Variants in ACP6 observed in about 807,000 individuals in gnomAD.
ACP6 encodes the protein acid phosphatase 6, lysophosphatidic, also known as lysophosphatidic acid phosphatase type 6.
Under a neutral mutation model 48.1 loss-of-function variants are expected in ACP6, and 48 were observed. That is an observed-to-expected ratio of 1.00 (90% confidence interval 0.79 to 1.27). The LOEUF is 1.27. Among genes scored for constraint, ACP6 ranks in the 50% most tolerant of loss-of-function variants. The probability of loss-of-function intolerance (pLI) is 0.00; values close to 1 mark genes in which losing one functional copy is unlikely to be tolerated. For missense variants in ACP6, 485 were observed against 529.1 expected (o/e 0.92, Z 0.82); for synonymous variants, 172 against 204.2 (o/e 0.84, Z 1.34).
rs1553209605 is a variant in ACP6 at position 147,647,373 on chromosome 1, T to C, written c.*50A>G. On this transcript the variant is annotated 3_prime_UTR_variant, in exon 10 of 10. Transcript: ENST00000583509. Reference sequence around the variant, plus strand: ...CAAACACACAAAGCAGGAGGCATTGTATAAAGGCACTTTATTTTAAAATCA... The same window carrying C: ...CAAACACACAAAGCAGGAGGCATTGCATAAAGGCACTTTATTTTAAAATCA... 1.2e-6 allele frequency: 2 copies of C among 1,605,710 alleles called. No homozygotes were observed. The highest frequency in any genetic ancestry group is 2.2e-5 in the South Asian group (2 of 90,624).
intron 1 of ACP6, among the ~76,000 whole-genome samples, chr1:147,664,407 T>C (rs781919921): frequency 9.9e-5 from 15 of 152,206 alleles, no homozygotes; most frequent in African/African-American, 2.4e-5. Context: ...TGCCTGGAAT[T>C]TTCTCTCCTC....
exon 6 of ACP6, chr1:147,630,882 T>A (rs1341328323): frequency 1.3e-5 from 2 of 152,204 alleles, no homozygotes; most frequent in African/African-American, 4.8e-5. Context: ...TACACACATA[T>A]ACACATACAG....
Position 147,669,980 on chromosome 1 carries a change from G to A in ACP6, c.69C>T (p.Cys23=). ...PVGVLTSLAY[C]LHQRRVALAE... is the part of the protein sequence containing the mutation. ...CCAGGGCCACCCGCCGCTGGTGCAG[G>A]CAGTACGCCAGCGAGGTCAGGACGC... Residue 23 remains cysteine, a synonymous_variant, in exon 1 of 10, where the codon TGC becomes TGT. Transcript: ENST00000583509. 1 of 1,549,510 alleles carries A rather than the reference G, an allele frequency of 6.5e-7. No homozygotes were observed. The highest frequency in any genetic ancestry group is 8.7e-7 in the Non-Finnish European group (1 of 1,146,550).
intron 1 of ACP6, among the ~76,000 whole-genome samples, chr1:147,663,166 C>T (rs1007758721): frequency 6.6e-6 from 1 of 152,108 alleles, no homozygotes; most frequent in Non-Finnish European, 1.5e-5. Flanking sequence ...CACTTTATTG[C>T]GATATTTGCT....
chr1:147,631,234 TCCACACCCCACTTCC>T lies in ACP6; in HGVS notation c.461-184_461-170del, dbSNP rs1448833168. ...CTCTGAATTTCTCTCACATCTTATCTCCACACCCCACTTCCCCATCACAGTAAATGACATTATATC... is the reference window on the plus strand; with the variant it reads ...CTCTGAATTTCTCTCACATCTTATCTCCATCACAGTAAATGACATTATATC... On this transcript the variant is annotated intron_variant, in intron 5 of 5. Coordinates refer to the ACP6 transcript ENST00000609196. 4.6e-5 allele frequency among the ~76,000 whole-genome samples: 7 copies of T among 152,266 alleles called. No homozygotes were observed. In the East Asian group the frequency reaches 1.4e-3, roughly 29 times the overall value.
intron 4 of ACP6, among the ~76,000 whole-genome samples, chr1:147,655,870 T>C (rs587633299): frequency 1.3e-4 from 20 of 152,240 alleles, no homozygotes; most frequent in African/African-American, 4.3e-4. Context: ...CTCAGTACCA[T>C]TGTCCCCTCC....
Position 147,670,182 on chromosome 1 carries a change from G to T in ACP6, c.-134C>A. ...ATGCGTACATCCAGCCCTTCAGCAA[G>T]CAGGGACCGCTGTGCCTCCCGGCCC... On this transcript the variant is annotated 5_prime_UTR_variant, in exon 1 of 10. Transcript: ENST00000583509. The T allele has an allele frequency of 1.3e-6, 1 of 799,788 alleles. No individual in the cohort carries two copies. The highest frequency in any genetic ancestry group is 1.9e-6 in the Non-Finnish European group (1 of 524,614). The allele number at this position is 799,788 out of a possible 1,614,324, so 49.5% of individuals were successfully genotyped here. A position where few individuals can be genotyped will look rare whatever the true frequency, so the allele number is the denominator to read the frequency against.
At chr1:147,631,791 G>C (rs189664007) in intron 5 of ACP6, among the ~76,000 whole-genome samples, 348 of 152,116 alleles carry the variant, frequency 2.3e-3, no homozygotes, top group African/African-American at 8.1e-3. Context: ...TCCAGCCTGG[G>C]CGACAGAGTG....
chr1:147,633,055 C>T (rs1659211430), intron 5 of ACP6, among the ~76,000 whole-genome samples: 1 of 152,140 alleles, frequency 6.6e-6, no homozygotes, highest in Non-Finnish European at 1.5e-5. Flanking sequence ...TGACAGGTGG[C>T]CAGCACCTCC....
At chr1:147,659,850 C>T in intron 1 of ACP6, 75 bp from the exon 2 acceptor site, 1 of 1,542,036 alleles carries the variant, frequency 6.5e-7, no homozygotes, top group Admixed American at 1.8e-5. Context: ...ATCTCAAGCA[C>T]TCAGAACACA....
chr1:147,648,479 T>A, intron 8 of ACP6, 68 bp from the exon 9 acceptor site: 1 of 1,565,082 alleles, frequency 6.4e-7, no homozygotes, highest in Non-Finnish European at 8.7e-7. Flanking sequence ...GTGGCCTGCC[T>A]CCTTTACGTA....
intron 5 of ACP6, among the ~76,000 whole-genome samples, chr1:147,636,131 C>A (rs6677434): frequency 0.22 from 33,042 of 151,916 alleles, 4,948 homozygotes; most frequent in African/African-American, 0.42. Flanking sequence ...AAGCAGAAGA[C>A]AGAGAAACCT....
Position 147,652,796 on chromosome 1 carries a change from C to G in ACP6, c.781-247G>C. On this transcript the variant is annotated intron_variant, in intron 6 of 9. Coordinates refer to ENST00000583509, the MANE Select transcript of ACP6 (RefSeq NM_016361.5). ...GGTTTCTTCCCTTTCTGATGACTCCCCATCCACTCAAAAATGAAAAGCATT... is the reference window on the plus strand; with the variant it reads ...GGTTTCTTCCCTTTCTGATGACTCCGCATCCACTCAAAAATGAAAAGCATT... The G allele has an allele frequency of 1.2e-5, 8 of 688,482 alleles. No individual in the cohort carries two copies. The South Asian group carries it at 1.6e-4, about 14-fold the overall frequency. The allele number at this position is 688,482 out of a possible 1,614,324, so 42.6% of individuals were successfully genotyped here.
At chr1:147,655,352 T>A (rs1553211442) in intron 4 of ACP6, 104 bp from the exon 5 acceptor site, 4 of 856,184 alleles carry the variant, frequency 4.7e-6, no homozygotes. Context: ...AGAGATCTGC[T>A]CTGAGAGGCA....
chr1:147,659,785 C>CA lies in ACP6; in HGVS notation c.220-11dup, dbSNP rs771090693. 756 of 1,607,048 alleles carry CA rather than the reference C, an allele frequency of 4.7e-4. 1 individual carries two copies. The highest frequency in any genetic ancestry group is 1.4e-3 in the Middle Eastern group (8 of 5,668). ...GGGGGTTCCACTCTACCTGTTAGTA[C>CA]AAAAAAAACACACCACATTGTTTAA... is the stretch of plus-strand genomic sequence containing the variant. On this transcript the variant is annotated splice_polypyrimidine_tract_variant and intron_variant, in intron 1 of 9. Coordinates refer to ENST00000583509, the MANE Select transcript of ACP6 (RefSeq NM_016361.5).
In ACP6 at chr1:147,670,306, C is replaced by A; in HGVS notation, c.-258G>T. The A allele has an allele frequency of 2.4e-6, 1 of 422,246 alleles. No individual in the cohort carries two copies. The highest frequency in any genetic ancestry group is 4.3e-6 in the Non-Finnish European group (1 of 233,448). The allele number at this position is 422,246 out of a possible 1,614,324, so 26.2% of individuals were successfully genotyped here. A position where few individuals can be genotyped will look rare whatever the true frequency, so the allele number is the denominator to read the frequency against. On this transcript the variant is annotated 5_prime_UTR_variant, in exon 1 of 10. Transcript: ENST00000583509. ...CCCGGGTCGGGGTTGGTCGCTCCTG[C>A]TGCACACCGGGCCGGGGGAGATCGG... is the stretch of plus-strand genomic sequence containing the variant.
At chr1:147,655,073 G>A in intron 5 of ACP6, 88 bp downstream of exon 5, 1 of 1,085,848 alleles carries the variant, frequency 9.2e-7, no homozygotes, top group Non-Finnish European at 1.4e-6. Flanking sequence ...GGTAAGCCTG[G>A]ACAGGCCCTC....
rs587737456 is a variant in ACP6, at chr1:147,632,569, G to A, written c.461-1504C>T. 2.9e-4 allele frequency among the ~76,000 whole-genome samples: 44 copies of A among 152,150 alleles called. 1 individual carries two copies. Among genetic ancestry groups the A allele is most frequent in the East Asian group, 1.9e-4 (1 of 5,160 alleles). ...AAAGAAAAGCAGGCCAAATGACAGC[G>A]AAGGGAACAGCTTAAACAAAATTGA... On this transcript the variant is annotated intron_variant, in intron 5 of 5. Transcript: ENST00000609196.
At chr1:147,635,793 T>C (rs1659283523) in intron 5 of ACP6, among the ~76,000 whole-genome samples, 1 of 152,154 alleles carries the variant, frequency 6.6e-6, no homozygotes, top group African/African-American at 2.4e-5. Context: ...AACTCAGTCA[T>C]GAGGGATTGG....
Sources: allele counts gnomAD v4.1 joint callset (sites outside exome capture counted in the v4.1 genomes callset), GRCh38; gene constraint gnomAD v4.1.1; transcripts MANE v1.5; gene names NCBI Gene and HGNC (gene_info 2026-07-23, HGNC 2026-07-21).